KLHL1: variants seen among roughly 807,000 people sequenced by gnomAD.
KLHL1 encodes the protein kelch like family member 1.
Under a neutral mutation model 77.7 loss-of-function variants are expected in KLHL1, and 47 were observed. That is an observed-to-expected ratio of 0.60 (90% CI 0.48 to 0.77). KLHL1 has a LOEUF of 0.77. Ranked by LOEUF, KLHL1 falls within the 30% of genes least tolerant of loss-of-function variation. The pLI is 0.00. For missense variants in KLHL1, 925 were observed against 910.8 expected (o/e 1.02, Z -0.20); for synonymous variants, 360 against 325.2 (o/e 1.11, Z -1.15).
intron 7 of KLHL1, among the ~76,000 whole-genome samples, chr13:69,779,531 T>TTTTC (rs1444798387): frequency 1.3e-5 from 2 of 151,980 alleles, no homozygotes; most frequent in Middle Eastern, 3.2e-3. Context: ...TTCCCTCTTT[T>TTTTC]TTTCTTATTT....
At chr13:69,907,671 A>G (rs963713755) in intron 4 of KLHL1, among the ~76,000 whole-genome samples, 1 of 151,994 alleles carries the variant, frequency 6.6e-6, no homozygotes, top group African/African-American at 2.4e-5. Flanking sequence ...AAACATGCTG[A>G]TTGAACATAA....
At chr13:69,751,894 A>G (rs1194264007) in intron 7 of KLHL1, among the ~76,000 whole-genome samples, 1 of 149,218 alleles carries the variant, frequency 6.7e-6, no homozygotes, top group African/African-American at 2.5e-5. Flanking sequence ...TGAAGGACTC[A>G]GGAAATATTT....
chr13:70,003,164 C>T lies in KLHL1; in HGVS notation c.498-27362G>A, dbSNP rs60307205. ...AACTGAAATAACAATTATGAGCATA[C>T]AAACTACAAATAAATCTTTTCTCCA... On this transcript the variant is annotated intron_variant, in intron 1 of 10. Coordinates refer to ENST00000377844, the MANE Select transcript of KLHL1 (RefSeq NM_020866.3). 3.3e-5 allele frequency among the ~76,000 whole-genome samples: 5 copies of T among 151,654 alleles called. No individual in the cohort carries two copies. The South Asian group carries it at 1.0e-3, about 31-fold the overall frequency.
intron 1 of KLHL1, among the ~76,000 whole-genome samples, chr13:70,083,117 A>T (rs1357647408): frequency 6.6e-6 from 1 of 152,212 alleles, no homozygotes; most frequent in African/African-American, 2.4e-5. Context: ...CATAAGAAGT[A>T]CAACAAAAAA....
intron 5 of KLHL1, among the ~76,000 whole-genome samples, chr13:69,856,495 T>C (rs1879925302): frequency 6.6e-6 from 1 of 152,054 alleles, no homozygotes; most frequent in African/African-American, 2.4e-5. Flanking sequence ...AATTGTTAGC[T>C]TGCAAGCAGG....
chr13:70,033,883 T>A (rs1030540150), intron 1 of KLHL1, among the ~76,000 whole-genome samples: 4 of 151,994 alleles, frequency 2.6e-5, no homozygotes, highest in African/African-American at 9.7e-5. Context: ...ACCTCTGGGA[T>A]TACAGGCGTT....
At position 69,723,754 on chromosome 13, in the gene KLHL1, T is replaced by C. The variant is rs549767533; in HGVS notation, c.1803-4173A>G. ...CTACTTGGAGATTTCATCTACATGA[T>C]AAAACCTAGGTCTTCACAACCCCTT... On this transcript the variant is annotated intron_variant, in intron 8 of 10. Coordinates refer to ENST00000377844, the MANE Select transcript of KLHL1 (RefSeq NM_020866.3). Among the ~76,000 whole-genome samples the C allele has an allele frequency of 2.0e-5, 3 of 152,222 alleles. No homozygotes were observed. The South Asian group carries it at 6.2e-4, about 32-fold the overall frequency.
chr13:69,797,753 C>T (rs963986103), intron 6 of KLHL1, among the ~76,000 whole-genome samples: 3 of 147,978 alleles, frequency 2.0e-5, no homozygotes, highest in Non-Finnish European at 2.9e-5. Flanking sequence ...GGCATGAACC[C>T]GGGAGGCGGC....
chr13:69,727,168 A>G (rs1873336158), intron 8 of KLHL1, among the ~76,000 whole-genome samples: 1 of 152,302 alleles, frequency 6.6e-6, no homozygotes, highest in South Asian at 2.1e-4. Context: ...GGTAGAAAAT[A>G]TAAATAATCT....
At chr13:69,855,406 A>C (rs1000958257) in intron 5 of KLHL1, among the ~76,000 whole-genome samples, 6 of 152,056 alleles carry the variant, frequency 3.9e-5, no homozygotes, top group African/African-American at 1.4e-4. Context: ...ATAGATAGAG[A>C]TACAGATAGA....
chr13:69,981,359 G>A (rs1259594159), intron 1 of KLHL1, among the ~76,000 whole-genome samples: 3 of 151,880 alleles, frequency 2.0e-5, no homozygotes, highest in East Asian at 1.9e-4. Context: ...AGAGAGTAAC[G>A]AAAACGGCAA....
intron 1 of KLHL1, among the ~76,000 whole-genome samples, chr13:69,976,694 A>G (rs1884554315): frequency 6.6e-6 from 1 of 152,106 alleles, no homozygotes; most frequent in South Asian, 2.1e-4. Flanking sequence ...TTAGAAAGTA[A>G]CATGGAGAAT....
chr13:69,840,963 C>T (rs1369205129), intron 5 of KLHL1, among the ~76,000 whole-genome samples: 1 of 151,660 alleles, frequency 6.6e-6, no homozygotes, highest in Non-Finnish European at 1.5e-5. Context: ...TTAACCTCTA[C>T]AGTACTAAAT....
intron 7 of KLHL1, among the ~76,000 whole-genome samples, chr13:69,749,577 C>G (rs1293260825): frequency 6.6e-6 from 1 of 151,888 alleles, no homozygotes; most frequent in Non-Finnish European, 1.5e-5. Flanking sequence ...AACAAACTAT[C>G]GTTAATTTTC....
intron 5 of KLHL1, among the ~76,000 whole-genome samples, chr13:69,878,995 A>G (rs1183867846): frequency 6.6e-6 from 1 of 152,114 alleles, no homozygotes; most frequent in Non-Finnish European, 1.5e-5. Flanking sequence ...GCAAACTATC[A>G]CAAGGAGAAA....
intron 7 of KLHL1, among the ~76,000 whole-genome samples, chr13:69,743,732 G>GCC (rs1005690160): frequency 2.6e-5 from 4 of 150,994 alleles, no homozygotes; most frequent in African/African-American, 4.9e-5. Context: ...GTTGCAGTGA[G>GCC]CCAAGATTGT....
chr13:70,017,373 C>A (rs77199807), intron 1 of KLHL1, among the ~76,000 whole-genome samples: 1,780 of 152,338 alleles, frequency 0.012, 17 homozygotes, highest in Middle Eastern at 0.031. Flanking sequence ...CTCATCCAGA[C>A]ACAATTGCCC....
chr13:69,958,010 T>C (rs1883947872), intron 3 of KLHL1, among the ~76,000 whole-genome samples: 1 of 151,670 alleles, frequency 6.6e-6, no homozygotes, highest in African/African-American at 2.4e-5. Context: ...ACTTCATACC[T>C]TAAAAGTAGT....
intron 9 of KLHL1, among the ~76,000 whole-genome samples, chr13:69,713,962 A>T (rs1262618606): frequency 1.3e-5 from 2 of 152,120 alleles, no homozygotes; most frequent in African/African-American, 4.8e-5. Context: ...AAATCTCCTC[A>T]ATATATTCAG....
Sources: gnomAD v4.1 joint callset for allele counts (sites outside exome capture counted in the v4.1 genomes callset) on GRCh38, gnomAD v4.1.1 for gene constraint, MANE v1.5 for transcripts, NCBI Gene and HGNC (gene_info 2026-07-23, HGNC 2026-07-21) for gene names.